The following CRB1 variants were observed in gnomAD, a reference collection of about 807,000 sequenced individuals.
CRB1 encodes crumbs cell polarity complex component 1.
A neutral mutation model predicts 120.0 loss-of-function variants in CRB1; 83 were observed. That is an observed-to-expected ratio of 0.69 (90% CI 0.58 to 0.83). The LOEUF is 0.83. Among genes scored for constraint, CRB1 ranks in the 40% least tolerant of loss-of-function variants. CRB1 has a pLI of 0.00. For synonymous variants in CRB1, 625 were observed against 612.5 expected, an observed-to-expected ratio of 1.02 and a Z score of -0.30; for missense variants, 1,699 against 1,687.6, an observed-to-expected ratio of 1.01 and a Z score of -0.12.
At chr1:197,450,784 C>CAAAAAAAAA (rs71131758) in intron 11 of CRB1, among the ~76,000 whole-genome samples, 8 of 59,624 alleles carry the variant, frequency 1.3e-4, no homozygotes, top group East Asian at 5.6e-4. Context: ...ACTAAAAATA[C>CAAAAAAAAA]AAAAAAAAAA....
At chr1:197,369,521 C>T (rs1661258628) in intron 5 of CRB1, among the ~76,000 whole-genome samples, 2 of 151,562 alleles carry the variant, frequency 1.3e-5, no homozygotes, top group African/African-American at 2.4e-5. Context: ...TTTATTATAC[C>T]TGCCATTGGC....
chr1:197,431,011 A>G (rs1664844370), intron 8 of CRB1, among the ~76,000 whole-genome samples: 1 of 151,984 alleles, frequency 6.6e-6, no homozygotes, highest in Admixed American at 6.6e-5. Flanking sequence ...GTCTGCAGTA[A>G]GCTAGGATCA....
chr1:197,426,110 C>T (rs563500557), intron 6 of CRB1, among the ~76,000 whole-genome samples: 13 of 152,020 alleles, frequency 8.6e-5, no homozygotes, highest in African/African-American at 2.7e-4. Flanking sequence ...TTCCGTATCT[C>T]TGCAAATAGA....
In CRB1 at chr1:197,347,373, A is replaced by G; in HGVS notation, c.882A>G (p.Thr294=). The change falls in exon 4 of 12, where the codon ACA becomes ACG. Residue 294 remains threonine, a synonymous_variant. Transcript: ENST00000367400. The part of the protein sequence containing the change: ...YSCNCTGSGF[T]GTHCETLMPL... ...GTAACTGCACGGGTAGTGGATTCACAGGGACACACTGTGAGACCTTGATGC... is the reference window on the plus strand; with the variant it reads ...GTAACTGCACGGGTAGTGGATTCACGGGGACACACTGTGAGACCTTGATGC... The G allele has an allele frequency of 6.2e-7, 1 of 1,613,964 alleles. No individual in the cohort carries two copies. The highest frequency in any genetic ancestry group is 8.5e-7 in the Non-Finnish European group (1 of 1,179,848).
chr1:197,222,938 C>T, the CRB1 span: 76 of 949,514 alleles, frequency 8.0e-5, no homozygotes, highest in East Asian at 1.7e-3. Context: ...TGTTGACGCT[C>T]TGCAAGAGTT....
chr1:197,290,305 T>TGTGTGTG (rs1571775751), intron 1 of CRB1, among the ~76,000 whole-genome samples: 24 of 149,456 alleles, frequency 1.6e-4, no homozygotes, highest in East Asian at 4.0e-4. Context: ...TGTGTGTGTG[T>TGTGTGTG]TTGAAGAGAA....
At chr1:197,394,895 T>C (rs1002937314) in intron 5 of CRB1, among the ~76,000 whole-genome samples, 3 of 152,082 alleles carry the variant, frequency 2.0e-5, no homozygotes, top group Non-Finnish European at 2.9e-5. Flanking sequence ...TCAAATAAGA[T>C]GGGGTATCTC....
At chr1:197,351,830 A>G (rs557181838) in intron 4 of CRB1, among the ~76,000 whole-genome samples, 65 of 152,280 alleles carry the variant, frequency 4.3e-4, no homozygotes, top group African/African-American at 1.5e-3. Context: ...GCCTTGGGTT[A>G]CTGCATGGAT....
At chr1:197,313,430 A>T (rs935695445) in intron 1 of CRB1, among the ~76,000 whole-genome samples, 9 of 152,184 alleles carry the variant, frequency 5.9e-5, no homozygotes, top group African/African-American at 2.2e-4. Context: ...CACCTGAAAC[A>T]TTTATCTCTT....
At chr1:197,427,416 C>CT (rs748947425) in intron 6 of CRB1, 38 bp from the exon 7 acceptor site, 346 of 1,579,262 alleles carry the variant, frequency 2.2e-4, no homozygotes, top group Non-Finnish European at 2.6e-4. Flanking sequence ...TAAGATGTTT[C>CT]TTTTTTTTTC....
rs192299666 is a variant in CRB1, at chr1:197,388,968, T to C, written c.1171+31955T>C. On this transcript the variant is annotated intron_variant, in intron 5 of 11. Coordinates refer to ENST00000367400, the MANE Select transcript of CRB1 (RefSeq NM_201253.3). ...CACATGAAAAGATGCTGAACATGAC[T>C]AGTTATTAGAGGAATGCAAATCAAA... Among the ~76,000 whole-genome samples the C allele has an allele frequency of 9.3e-4, 141 of 152,202 alleles. 1 individual carries two copies. The Middle Eastern group carries it at 0.01, about 11-fold the overall frequency.
chr1:197,236,065 T>C, the CRB1 span, among the ~76,000 whole-genome samples: 1 of 152,184 alleles, frequency 6.6e-6, no homozygotes, highest in African/African-American at 2.4e-5. Context: ...TGTGTTCTTA[T>C]GGGCTCCAGT....
intron 1 of CRB1, among the ~76,000 whole-genome samples, chr1:197,271,427 T>G (rs1254343935): frequency 6.6e-6 from 1 of 152,158 alleles, no homozygotes; most frequent in African/African-American, 2.4e-5. Flanking sequence ...GTTGAGGACA[T>G]GTGACATGAG....
At chr1:197,277,504 G>A (rs1392046299) in intron 1 of CRB1, among the ~76,000 whole-genome samples, 1 of 151,952 alleles carries the variant, frequency 6.6e-6, no homozygotes, top group African/African-American at 2.4e-5. Context: ...CAAATTTGTA[G>A]TTTTTAATAC....
intron 2 of CRB1, among the ~76,000 whole-genome samples, chr1:197,342,449 T>C (rs1659522533): frequency 6.6e-6 from 1 of 152,214 alleles, no homozygotes; most frequent in Non-Finnish European, 1.5e-5. Flanking sequence ...AAGCCCCATT[T>C]TCTACCTTCT....
At chr1:197,214,324 C>A in the CRB1 span, among the ~76,000 whole-genome samples, 1 of 152,008 alleles carries the variant, frequency 6.6e-6, no homozygotes, top group African/African-American at 2.4e-5. Context: ...TCAATATATA[C>A]AGTCTGCCCT....
At chr1:197,245,235 C>T in the CRB1 span, among the ~76,000 whole-genome samples, 4 of 151,992 alleles carry the variant, frequency 2.6e-5, no homozygotes, top group African/African-American at 4.8e-5. Flanking sequence ...CAACAGGCCC[C>T]GGTGTGTGGA....
At chr1:197,373,141 A>G (rs1345074748) in intron 5 of CRB1, among the ~76,000 whole-genome samples, 2 of 152,110 alleles carry the variant, frequency 1.3e-5, no homozygotes, top group African/African-American at 4.8e-5. Context: ...TTCTCCAATC[A>G]TCTGCTCATA....
intron 1 of CRB1, among the ~76,000 whole-genome samples, chr1:197,290,280 G>GTGTT (rs1337149828): frequency 6.6e-6 from 1 of 150,614 alleles, no homozygotes; most frequent in Non-Finnish European, 1.5e-5. Flanking sequence ...GTGTGTGTGT[G>GTGTT]TGTGTGTGTG....
Sources: allele counts gnomAD v4.1 joint callset (sites outside exome capture counted in the v4.1 genomes callset), GRCh38; gene constraint gnomAD v4.1.1; transcripts MANE v1.5; gene names NCBI Gene and HGNC (gene_info 2026-07-23, HGNC 2026-07-21).